MTAP: variants seen among roughly 807,000 people sequenced by gnomAD.
MTAP encodes the protein S-methyl-5'-thioadenosine phosphorylase.
A neutral mutation model predicts 33.6 loss-of-function variants in MTAP; 33 were observed. The ratio of observed to expected loss-of-function variants is 0.98; its 90% CI spans 0.74 to 1.31. The LOEUF (loss-of-function observed/expected upper bound fraction) is 1.31. Among genes scored for constraint, MTAP ranks in the 40% most tolerant of loss-of-function variants. MTAP has a pLI of 0.00. For missense variants in MTAP, 367 were observed against 360.0 expected (o/e 1.02, Z -0.16); for synonymous variants, 148 against 125.7 (o/e 1.18, Z -1.19).
downstream of MTAP, chr9:21,931,308 T>C (rs1818954366): frequency 3.5e-6 from 2 of 576,006 alleles, no homozygotes; most frequent in South Asian, 4.4e-5. Context: ...TCATGGATTT[T>C]TGCGGGGGAA....
intron 1 of MTAP, among the ~76,000 whole-genome samples, chr9:21,910,078 T>C (rs1818545650): frequency 6.6e-6 from 1 of 152,200 alleles, no homozygotes; most frequent in African/African-American, 2.4e-5. Context: ...TATTCAAAAA[T>C]GGTATTTGTT....
chr9:21,818,950 CTT>C (rs1268320435), intron 4 of MTAP, among the ~76,000 whole-genome samples: 1 of 152,118 alleles, frequency 6.6e-6, no homozygotes, highest in East Asian at 1.9e-4. Flanking sequence ...CCTTTCTACT[CTT>C]TACTTCTATG....
At chr9:21,846,158 T>C (rs530812043) in intron 5 of MTAP, among the ~76,000 whole-genome samples, 12 of 152,154 alleles carry the variant, frequency 7.9e-5, no homozygotes, top group Non-Finnish European at 1.2e-4. Flanking sequence ...ATAAAAATTC[T>C]AGAAAATAAC....
intron 1 of MTAP, among the ~76,000 whole-genome samples, chr9:21,875,625 T>G (rs747538825): frequency 2.0e-5 from 3 of 152,146 alleles, no homozygotes; most frequent in African/African-American, 7.2e-5. Flanking sequence ...CTCCCACTTA[T>G]AAGTGAAAAC....
intron 1 of MTAP, among the ~76,000 whole-genome samples, chr9:21,891,490 C>T (rs1818199928): frequency 6.6e-6 from 1 of 152,074 alleles, no homozygotes; most frequent in East Asian, 1.9e-4. Context: ...ACAAAAATTC[C>T]ATAATACCAT....
At chr9:21,811,271 G>C (rs957109340) in intron 1 of MTAP, among the ~76,000 whole-genome samples, 2 of 152,174 alleles carry the variant, frequency 1.3e-5, no homozygotes, top group Middle Eastern at 3.2e-3. Flanking sequence ...GACAAAGAAG[G>C]GTTGGTAAAA....
intron 6 of MTAP, among the ~76,000 whole-genome samples, chr9:21,856,458 G>A (rs949920492): frequency 6.6e-6 from 1 of 152,154 alleles, no homozygotes; most frequent in East Asian, 1.9e-4. Flanking sequence ...TTATTTGGCA[G>A]CTTTGGTAAC....
At chr9:21,817,943 C>G (rs1457543665) in intron 3 of MTAP, 92 bp from the exon 4 acceptor site, 2 of 1,267,978 alleles carry the variant, frequency 1.6e-6, no homozygotes, top group Non-Finnish European at 2.1e-6. Context: ...GTGGTCATTG[C>G]TAGAGAATCA....
chr9:21,900,317 AC>A (rs1818370039), intron 1 of MTAP, among the ~76,000 whole-genome samples: 1 of 152,234 alleles, frequency 6.6e-6, no homozygotes, highest in African/African-American at 2.4e-5. Context: ...AGGAACTTAA[AC>A]AAATTAACAA....
chr9:21,802,863 G>T, intron 1 of MTAP, 82 bp downstream of exon 1: 1 of 1,571,932 alleles, frequency 6.4e-7, no homozygotes, highest in South Asian at 1.2e-5. Flanking sequence ...CGCCTCCGGG[G>T]GCCATGCGCC....
In MTAP at chr9:21,885,035, G is replaced by A. The variant is rs115166694; in HGVS notation, c.147+30165G>A. ...TGGTGGGAAGGGCTTTCAGGGTACCGGAACTATCTCAATGTGATGATAGTT... is the reference window on the plus strand; with the variant it reads ...TGGTGGGAAGGGCTTTCAGGGTACCAGAACTATCTCAATGTGATGATAGTT... On this transcript the variant is annotated intron_variant, in intron 1 of 1. Coordinates refer to the MTAP transcript ENST00000577563. Among the ~76,000 whole-genome samples the A allele has an allele frequency of 4.7e-3, 711 of 152,122 alleles. 7 individuals are homozygous for A. The highest frequency in any genetic ancestry group is 0.016 in the African/African-American group (675 of 41,514).
At chr9:21,832,412 C>G (rs1228417476) in intron 4 of MTAP, among the ~76,000 whole-genome samples, 1 of 152,210 alleles carries the variant, frequency 6.6e-6, no homozygotes, top group Non-Finnish European at 1.5e-5. Context: ...CTTTGTTTAG[C>G]TCTTTCTCTC....
At chr9:21,905,821 T>C (rs1818467858) in intron 1 of MTAP, among the ~76,000 whole-genome samples, 1 of 152,136 alleles carries the variant, frequency 6.6e-6, no homozygotes, top group African/African-American at 2.4e-5. Flanking sequence ...ACCAGATCAT[T>C]TGGAGAGCTA....
At chr9:21,816,147 C>A (rs545638534) in intron 2 of MTAP, among the ~76,000 whole-genome samples, 2 of 152,106 alleles carry the variant, frequency 1.3e-5, no homozygotes, top group Non-Finnish European at 2.9e-5. Context: ...TCTGGCTGTC[C>A]CAACCAAACC....
intron 5 of MTAP, among the ~76,000 whole-genome samples, chr9:21,845,306 T>A (rs1321215025): frequency 6.6e-6 from 1 of 152,168 alleles, no homozygotes; most frequent in Admixed American, 6.5e-5. Flanking sequence ...AAAAAGCTCC[T>A]AGATAAATGA....
chr9:21,916,068 G>A (rs977696726), intron 1 of MTAP, among the ~76,000 whole-genome samples: 6 of 124,812 alleles, frequency 4.8e-5, no homozygotes, highest in Non-Finnish European at 9.9e-5. Context: ...GGGAGGGAGG[G>A]AGGGAGGAAG....
Position 21,861,044 on chromosome 9 carries a change from G to C in MTAP, c.814-932G>C, listed in dbSNP as rs1825742899. The C allele has an allele frequency of 2.0e-5, 3 of 152,232 alleles. No homozygotes were observed. In the South Asian group the frequency reaches 6.2e-4, roughly 32 times the overall value. The allele number at this position is 152,232 out of a possible 1,614,324, so 9.4% of individuals were successfully genotyped here. ...CCCAAAGTGCTGGGATTACAGGCATGAGCCACTGCGCCCAGCCAAGTTTAT... is the reference window on the plus strand; with the variant it reads ...CCCAAAGTGCTGGGATTACAGGCATCAGCCACTGCGCCCAGCCAAGTTTAT... On this transcript the variant is annotated intron_variant, in intron 7 of 7. Transcript: ENST00000644715.
chr9:21,893,689 A>G (rs1170814550), intron 1 of MTAP: 6 of 152,160 alleles, frequency 3.9e-5, no homozygotes, highest in Admixed American at 3.9e-4. Context: ...ACCTCTCAAG[A>G]TTAAACCTGG....
intron 4 of MTAP, among the ~76,000 whole-genome samples, chr9:21,831,242 C>A (rs1392635378): frequency 6.6e-6 from 1 of 152,152 alleles, no homozygotes; most frequent in Admixed American, 6.5e-5. Context: ...ACCATTAATC[C>A]TGATGATTGT....
Sources: allele counts gnomAD v4.1 joint callset (sites outside exome capture counted in the v4.1 genomes callset), GRCh38; gene constraint gnomAD v4.1.1; transcripts MANE v1.5; gene names NCBI Gene and HGNC (gene_info 2026-07-23, HGNC 2026-07-21).